The following PKIA variants were observed in gnomAD, a reference collection of about 807,000 sequenced individuals.
The protein encoded by PKIA is PKI-alpha.
A neutral mutation model predicts 7.6 loss-of-function variants in PKIA; 4 were observed. The ratio of observed to expected loss-of-function variants is 0.52; its 90% confidence interval spans 0.26 to 1.20. The LOEUF is 1.20. Ranked by LOEUF, PKIA falls within the 50% of genes most tolerant of loss-of-function variation. The pLI is 0.13. For synonymous variants in PKIA, 21 were observed against 30.7 expected, an observed-to-expected ratio of 0.68 and a Z score of 1.04; for missense variants, 73 against 86.2, an observed-to-expected ratio of 0.85 and a Z score of 0.61.
At chr8:78,597,173 T>C (rs898291135) in intron 2 of PKIA, among the ~76,000 whole-genome samples, 9 of 152,192 alleles carry the variant, frequency 5.9e-5, no homozygotes, top group Admixed American at 4.6e-4. Context: ...GACTCTTTTT[T>C]GGTTCTTTAC....
chr8:78,581,633 A>C (rs1357145314), intron 2 of PKIA, among the ~76,000 whole-genome samples: 10 of 152,068 alleles, frequency 6.6e-5, no homozygotes, highest in Admixed American at 6.6e-4. Context: ...CAAACAGCTA[A>C]ATCCTACAAA....
At position 78,603,360 on chromosome 8, in the gene PKIA, G is replaced by A. The variant is rs1477102700; in HGVS notation, c.*1539G>A. 1 of 152,086 alleles carries A rather than the reference G, an allele frequency of 6.6e-6. No homozygotes were observed. Among genetic ancestry groups the A allele is most frequent in the Non-Finnish European group, 1.5e-5 (1 of 67,950 alleles). 9.4% of individuals were successfully genotyped at this position (152,086 alleles called of 1,614,324 possible). On this transcript the variant is annotated 3_prime_UTR_variant, in exon 4 of 4. Coordinates refer to ENST00000396418, the MANE Select transcript of PKIA (RefSeq NM_006823.4). ...AGCATTTCAATAGGTAATTTGTGTG[G>A]TTGTGCCAGAAACTCAGCCCTTCTA...
chr8:78,529,280 T>C (rs1420063532), intron 1 of PKIA, among the ~76,000 whole-genome samples: 1 of 152,124 alleles, frequency 6.6e-6, no homozygotes, highest in East Asian at 1.9e-4. Flanking sequence ...GTTATCTCAA[T>C]AGTGTGATCA....
chr8:78,548,818 C>A (rs1045255766), intron 1 of PKIA, among the ~76,000 whole-genome samples: 1 of 151,920 alleles, frequency 6.6e-6, no homozygotes, highest in Admixed American at 6.6e-5. Context: ...ATAGTTCCCA[C>A]CAGTGACTCT....
intron 1 of PKIA, among the ~76,000 whole-genome samples, chr8:78,546,708 T>C (rs1004252290): frequency 4.6e-5 from 7 of 152,212 alleles, no homozygotes; most frequent in African/African-American, 1.7e-4. Flanking sequence ...ACCAGTTAAA[T>C]AGATGCCATA....
At chr8:78,552,565 C>T (rs1171252897) in intron 1 of PKIA, among the ~76,000 whole-genome samples, 3 of 151,966 alleles carry the variant, frequency 2.0e-5, no homozygotes, top group Non-Finnish European at 2.9e-5. Context: ...TCATTAAGCC[C>T]TAACAAGACT....
chr8:78,572,463 C>T (rs953848994), intron 1 of PKIA, among the ~76,000 whole-genome samples: 1 of 150,410 alleles, frequency 6.6e-6, no homozygotes, highest in Middle Eastern at 3.4e-3. Flanking sequence ...AGAAAACTTG[C>T]CTTTTTTGCC....
intron 1 of PKIA, among the ~76,000 whole-genome samples, chr8:78,563,519 G>A (rs568590073): frequency 2.5e-4 from 38 of 152,204 alleles, no homozygotes; most frequent in African/African-American, 7.7e-4. Context: ...GGGTATAAAA[G>A]CATAACAGTA....
intron 1 of PKIA, among the ~76,000 whole-genome samples, chr8:78,551,249 G>A (rs1357325254): frequency 6.6e-6 from 1 of 152,056 alleles, no homozygotes; most frequent in East Asian, 1.9e-4. Context: ...CTGGAGGTAT[G>A]AACTGTTCTA....
intron 2 of PKIA, among the ~76,000 whole-genome samples, chr8:78,584,189 G>A (rs1807893046): frequency 6.6e-6 from 1 of 152,032 alleles, no homozygotes; most frequent in South Asian, 2.1e-4. Flanking sequence ...ATGTGTGTGT[G>A]TGTTTGTGCT....
chr8:78,556,499 T>A (rs1807141826), intron 1 of PKIA: 1 of 152,128 alleles, frequency 6.6e-6, no homozygotes, highest in Non-Finnish European at 1.5e-5. Context: ...AAGCACTTAC[T>A]GATCCTAAGC....
Position 78,604,784 on chromosome 8 carries a change from A to G in PKIA, c.*2963A>G, listed in dbSNP as rs1808436008. 6.6e-6 allele frequency: 1 copy of G among 152,012 alleles called. No homozygotes were observed. The highest frequency in any genetic ancestry group is 1.5e-5 in the Non-Finnish European group (1 of 67,950). The allele number at this position is 152,012 out of a possible 1,614,324, so 9.4% of individuals were successfully genotyped here. On this transcript the variant is annotated 3_prime_UTR_variant, in exon 4 of 4. Transcript: ENST00000396418. ...CAACAAGCATGAAATTGTTAAATTT[A>G]CCTTTTATCAATTGTAATCATCCTA...
chr8:78,549,854 G>A (rs1806939242), intron 1 of PKIA, among the ~76,000 whole-genome samples: 1 of 151,728 alleles, frequency 6.6e-6, no homozygotes, highest in Admixed American at 6.6e-5. Flanking sequence ...TGAAAAAATT[G>A]TATTTACAAT....
intron 2 of PKIA, among the ~76,000 whole-genome samples, chr8:78,595,077 A>G (rs533485048): frequency 1.3e-5 from 2 of 152,204 alleles, no homozygotes; most frequent in Non-Finnish European, 2.9e-5. Flanking sequence ...CAATTGGCAC[A>G]ATTTTGTGAC....
rs1808410380 is a variant in PKIA at position 78,603,720 on chromosome 8, G to A, written c.*1899G>A. ...ATCAAACCCCTACAGTCAGTTTTCA[G>A]TATCCTCATTTAATATTTTAATAGG... On this transcript the variant is annotated 3_prime_UTR_variant, in exon 4 of 4. Transcript: ENST00000396418. 1 of 151,914 alleles carries A rather than the reference G, an allele frequency of 6.6e-6. No homozygotes were observed. Among genetic ancestry groups the A allele is most frequent in the Non-Finnish European group, 1.5e-5 (1 of 67,914 alleles). 9.4% of individuals were successfully genotyped at this position (151,914 alleles called of 1,614,324 possible).
At chr8:78,581,650 A>G (rs1392854887) in intron 2 of PKIA, among the ~76,000 whole-genome samples, 1 of 152,122 alleles carries the variant, frequency 6.6e-6, no homozygotes, top group Non-Finnish European at 1.5e-5. Flanking sequence ...CAAAATAACT[A>G]GTCTGTATCT....
chr8:78,564,188 G>T (rs1291362319), intron 1 of PKIA, among the ~76,000 whole-genome samples: 2 of 151,458 alleles, frequency 1.3e-5, no homozygotes, highest in South Asian at 2.1e-4. Context: ...AAAGAAAAAA[G>T]AAAAAAAAGA....
chr8:78,562,974 G>A (rs1444519900), intron 1 of PKIA, among the ~76,000 whole-genome samples: 1 of 152,048 alleles, frequency 6.6e-6, no homozygotes, highest in Non-Finnish European at 1.5e-5. Context: ...AAAGAATAAT[G>A]TAACAAGGAA....
intron 1 of PKIA, among the ~76,000 whole-genome samples, chr8:78,564,917 A>T (rs1266541961): frequency 6.6e-6 from 1 of 151,886 alleles, no homozygotes; most frequent in Admixed American, 6.6e-5. Context: ...ATCAAACAAA[A>T]ATAAAAATTT....
Sources: gnomAD v4.1 joint callset for allele counts (sites outside exome capture counted in the v4.1 genomes callset) on GRCh38, gnomAD v4.1.1 for gene constraint, MANE v1.5 for transcripts, NCBI Gene and HGNC (gene_info 2026-07-23, HGNC 2026-07-21) for gene names.